Variants in MAP4K5 observed in about 807,000 individuals in gnomAD.
MAP4K5 encodes mitogen-activated protein kinase kinase kinase kinase 5, also known as MAPK/ERK kinase kinase kinase 5.
MAP4K5 carries 82 observed loss-of-function variants against 135.6 expected under a neutral mutation model. That is an observed-to-expected ratio of 0.60 (90% CI 0.51 to 0.73). The LOEUF (loss-of-function observed/expected upper bound fraction) is 0.73. Ranked by LOEUF, MAP4K5 falls within the 30% of genes least tolerant of loss-of-function variation. The pLI is 0.00. For missense variants in MAP4K5, 907 were observed against 1,010.9 expected (o/e 0.90, Z 1.39); for synonymous variants, 347 against 335.0 (o/e 1.04, Z -0.39).
chr14:50,460,461 G>A (rs2036687935), intron 13 of MAP4K5, among the ~76,000 whole-genome samples: 1 of 152,130 alleles, frequency 6.6e-6, no homozygotes, highest in South Asian at 2.1e-4. Flanking sequence ...GAGGTGTCTG[G>A]TTATTTACAT....
intron 6 of MAP4K5, among the ~76,000 whole-genome samples, chr14:50,480,649 TGCTCACATAACA>T (rs1261542152): frequency 1.3e-5 from 2 of 152,170 alleles, no homozygotes; most frequent in African/African-American, 4.8e-5. Context: ...TATAAACTCA[TGCTCACATAACA>T]ATAGGGATGC....
At chr14:50,435,101 A>T (rs2036061147) in intron 26 of MAP4K5, 36 bp from the exon 27 acceptor site, 5 of 1,036,004 alleles carry the variant, frequency 4.8e-6, no homozygotes, top group Non-Finnish European at 7.4e-6. Flanking sequence ...ACCCAGACAC[A>T]CTCAAAATAC....
intron 6 of MAP4K5, among the ~76,000 whole-genome samples, chr14:50,479,933 T>C (rs2037199246): frequency 6.6e-6 from 1 of 152,086 alleles, no homozygotes; most frequent in Admixed American, 6.6e-5. Context: ...GCTTCCTTGG[T>C]TTGTTTCCTA....
In MAP4K5 at chr14:50,440,185, T is replaced by C. The variant is rs2036193376; in HGVS notation, c.1645-112A>G. 2.8e-5 allele frequency: 24 copies of C among 859,138 alleles called. No individual in the cohort carries two copies. In the South Asian group the frequency reaches 4.8e-4, roughly 17 times the overall value. 53.2% of individuals were successfully genotyped at this position (859,138 alleles called of 1,614,324 possible). A position where few individuals can be genotyped will look rare whatever the true frequency, so the allele number is the denominator to read the frequency against. On this transcript the variant is annotated intron_variant, in intron 22 of 32. Coordinates refer to ENST00000682126, the MANE Select transcript of MAP4K5 (RefSeq NM_006575.6). Reference sequence around the variant, plus strand: ...CTATTTTCTAACTTTCAGGTAATTATCAAACCCTTAAGAAAAAAAATCTTT... The same window carrying C: ...CTATTTTCTAACTTTCAGGTAATTACCAAACCCTTAAGAAAAAAAATCTTT...
chr14:50,506,060 T>C (rs1235658987), intron 2 of MAP4K5, among the ~76,000 whole-genome samples: 1 of 152,190 alleles, frequency 6.6e-6, no homozygotes, highest in Non-Finnish European at 1.5e-5. Context: ...TTATGACCTT[T>C]TTCATTTACT....
At chr14:50,520,870 T>C (rs2038135783) in intron 2 of MAP4K5, among the ~76,000 whole-genome samples, 2 of 149,222 alleles carry the variant, frequency 1.3e-5, no homozygotes. Flanking sequence ...TTGCCCAGGC[T>C]GGAGTGCAGT....
At chr14:50,473,762 C>G (rs542217966) in intron 9 of MAP4K5, among the ~76,000 whole-genome samples, 1 of 120,890 alleles carries the variant, frequency 8.3e-6, no homozygotes, top group East Asian at 2.7e-4. Context: ...CTCGCTCTGT[C>G]GCCCAGGCTG....
chr14:50,528,173 C>T (rs931819942), intron 2 of MAP4K5, among the ~76,000 whole-genome samples: 1 of 152,258 alleles, frequency 6.6e-6, no homozygotes, highest in Non-Finnish European at 1.5e-5. Flanking sequence ...CCATTTCCTG[C>T]TCTTGCCCTC....
At chr14:50,501,226 T>A (rs2037699857) in intron 3 of MAP4K5, among the ~76,000 whole-genome samples, 1 of 152,110 alleles carries the variant, frequency 6.6e-6, no homozygotes. Context: ...AGGAAGAGTA[T>A]AAATATGCAA....
chr14:50,547,688 C>A (rs2038651467), intron 1 of MAP4K5, among the ~76,000 whole-genome samples: 1 of 152,150 alleles, frequency 6.6e-6, no homozygotes, highest in Admixed American at 6.5e-5. Context: ...CTACCATGAG[C>A]TAAATGAGGT....
At chr14:50,464,177 C>CACCGAAACGTAATAGTA in intron 11 of MAP4K5, 44 bp from the exon 12 acceptor site, 1 of 936,350 alleles carries the variant, frequency 1.1e-6, no homozygotes, top group Non-Finnish European at 1.7e-6. Flanking sequence ...ACTACTATTA[C>CACCGAAACGTAATAGTA]GTTTCGGTGT....
chr14:50,480,472 C>G (rs1190140212), intron 6 of MAP4K5, among the ~76,000 whole-genome samples: 1 of 151,626 alleles, frequency 6.6e-6, no homozygotes, highest in Non-Finnish European at 1.5e-5. Context: ...CCTTCTCAGC[C>G]TCGGGTAACC....
chr14:50,489,673 T>C (rs2037439761), intron 3 of MAP4K5, among the ~76,000 whole-genome samples: 3 of 152,214 alleles, frequency 2.0e-5, no homozygotes, highest in African/African-American at 7.2e-5. Flanking sequence ...GTTTGTGTCA[T>C]GTGACCTTGT....
intron 1 of MAP4K5, chr14:50,560,134 G>C: frequency 9.3e-7 from 1 of 1,070,466 alleles, no homozygotes; most frequent in South Asian, 1.4e-5. Flanking sequence ...CAGCGCCACA[G>C]CAACATCCTC....
chr14:50,470,221 CTG>C (rs2036926745), intron 9 of MAP4K5, among the ~76,000 whole-genome samples: 1 of 152,104 alleles, frequency 6.6e-6, no homozygotes, highest in Admixed American at 6.6e-5. Context: ...CAGTGGGAAA[CTG>C]TATTCAATCA....
chr14:50,477,569 C>T (rs1228783622), intron 6 of MAP4K5, among the ~76,000 whole-genome samples: 1 of 152,172 alleles, frequency 6.6e-6, no homozygotes, highest in African/African-American at 2.4e-5. Flanking sequence ...GAGGAAAAAA[C>T]ATCCCGTCTT....
At chr14:50,494,529 T>C (rs1352380899) in intron 3 of MAP4K5, among the ~76,000 whole-genome samples, 1 of 152,052 alleles carries the variant, frequency 6.6e-6, no homozygotes. Flanking sequence ...ACAATCCCTA[T>C]GAAAAATTCT....
At position 50,531,960 on chromosome 14, in the gene MAP4K5, G is replaced by C. The variant is rs151148309; in HGVS notation, c.90C>G (p.Thr30=). The C allele has an allele frequency of 1.1e-3, 1,810 of 1,602,210 alleles. 17 individuals are homozygous for C. The African/African-American group carries it at 0.021, about 18-fold the overall frequency. The part of the protein sequence containing the change: ...YELVQRVGSG[T]YGDVYKARNV... ...CACTTACCTTATAGACGTCCCCGTA[G>C]GTGCCGCTGCCGACCCTCTGGACGA... The change falls in exon 2 of 33, where the codon ACC becomes ACG. Residue 30 remains threonine, a synonymous_variant. Coordinates refer to ENST00000682126, the MANE Select transcript of MAP4K5 (RefSeq NM_006575.6).
rs578075861 is a variant in MAP4K5 at position 50,419,358 on chromosome 14, T to A, written c.*661A>T. ...CTTTTAAGGTAATTCTGTATGAAAC[T>A]GTATTATAAAATACTTTTGTTAAGC... On this transcript the variant is annotated 3_prime_UTR_variant, in exon 33 of 33. Coordinates refer to ENST00000682126, the MANE Select transcript of MAP4K5 (RefSeq NM_006575.6). 1 of 152,558 alleles carries A rather than the reference T, an allele frequency of 6.6e-6. No homozygotes were observed. The highest frequency in any genetic ancestry group is 2.4e-5 in the African/African-American group (1 of 41,576). 9.5% of individuals were successfully genotyped at this position (152,558 alleles called of 1,614,324 possible).
Sources: gnomAD v4.1 joint callset for allele counts (sites outside exome capture counted in the v4.1 genomes callset) on GRCh38, gnomAD v4.1.1 for gene constraint, MANE v1.5 for transcripts, NCBI Gene and HGNC (gene_info 2026-07-23, HGNC 2026-07-21) for gene names.